Variants in ZC3H13 observed in about 807,000 individuals in gnomAD.
ZC3H13 encodes the protein zinc finger CCCH-type containing 13.
A neutral mutation model predicts 204.1 loss-of-function variants in ZC3H13; 64 were observed. The ratio of observed to expected loss-of-function variants is 0.31; its 90% confidence interval spans 0.26 to 0.39. The LOEUF (loss-of-function observed/expected upper bound fraction) is 0.39, where lower values mean the gene tolerates loss of function less well. ZC3H13 is among the 10% of genes least tolerant of loss of function. The probability of loss-of-function intolerance (pLI) is 1.00; values close to 1 mark genes in which losing one functional copy is unlikely to be tolerated. For missense variants in ZC3H13, 1,833 were observed against 2,082.7 expected (o/e 0.88, Z 2.33); for synonymous variants, 667 against 693.7 (o/e 0.96, Z 0.60).
rs1328382213 is a variant in ZC3H13, at chr13:46,052,635, T to C, written c.-241A>G. The stretch of plus-strand genomic sequence containing the variant: ...CCGCCTCTCCAGGGTCAAGCGAAAC[T>C]GGGTCGCAGGAAGAAAAATAACGAA... On this transcript the variant is annotated 5_prime_UTR_variant, in exon 1 of 19. Coordinates refer to ENST00000679008, the MANE Select transcript of ZC3H13 (RefSeq NM_001330564.2). The C allele has an allele frequency of 2.5e-6, 1 of 398,600 alleles. No homozygotes were observed. The highest frequency in any genetic ancestry group is 4.4e-6 in the Non-Finnish European group (1 of 226,126). 24.7% of individuals were successfully genotyped at this position (398,600 alleles called of 1,614,324 possible).
At chr13:46,018,192 C>T (rs57192057) in intron 5 of ZC3H13, among the ~76,000 whole-genome samples, 1 of 151,424 alleles carries the variant, frequency 6.6e-6, no homozygotes, top group Admixed American at 6.6e-5. Context: ...ATGCTGCAGA[C>T]GGCCATTTAG....
At chr13:46,045,124 G>A in intron 2 of ZC3H13, 60 bp from the exon 3 acceptor site, 1 of 1,439,500 alleles carries the variant, frequency 6.9e-7, no homozygotes, top group East Asian at 2.3e-5. Context: ...AAAAATGCTA[G>A]CGGGACAAAA....
At chr13:45,958,831 T>A (rs1237014355) in intron 18 of ZC3H13, among the ~76,000 whole-genome samples, 4 of 152,010 alleles carry the variant, frequency 2.6e-5, no homozygotes, top group Non-Finnish European at 4.4e-5. Context: ...ATTTTTTGTA[T>A]TTTTAGTAGA....
rs975388110 is a variant in ZC3H13, at chr13:45,964,122, C to G, written c.4475-80G>C. On this transcript the variant is annotated intron_variant, in intron 16 of 18. Coordinates refer to ENST00000679008, the MANE Select transcript of ZC3H13 (RefSeq NM_001330564.2). ...TATCTACATAGACATTTACATAAAT[C>G]AAGGAGAAAACAGAAAAAATGAAAA... is the stretch of plus-strand genomic sequence containing the variant. 8.2e-6 allele frequency: 11 copies of G among 1,346,514 alleles called. No homozygotes were observed. In the African/African-American group the frequency reaches 1.3e-4, roughly 16 times the overall value. The allele number at this position is 1,346,514 out of a possible 1,614,324, so 83.4% of individuals were successfully genotyped here.
chr13:46,026,911 A>G (rs1294571594), intron 4 of ZC3H13, among the ~76,000 whole-genome samples: 1 of 152,182 alleles, frequency 6.6e-6, no homozygotes, highest in Non-Finnish European at 1.5e-5. Context: ...GAATTTAAAG[A>G]CCCAGAAATA....
At chr13:46,051,243 G>T (rs947788971) in intron 1 of ZC3H13, among the ~76,000 whole-genome samples, 1 of 152,084 alleles carries the variant, frequency 6.6e-6, no homozygotes, top group Non-Finnish European at 1.5e-5. Flanking sequence ...CTCAAAATAT[G>T]CAATGTTCAT....
At position 45,985,534 on chromosome 13, in the gene ZC3H13, G is replaced by A; in HGVS notation, c.1483C>T (p.Pro495Ser). The change falls in exon 10 of 19, where the codon CCC (proline) becomes TCC (serine). Residue 495 changes from proline (P) to serine (S), a missense_variant. Around this residue, in one of 5 missense-constraint regions of ZC3H13, gnomAD observed 1,574 missense variants for 1,757.2 expected, o/e 0.90. Transcript: ENST00000679008. ...TCACGAGTGGACCGAGAATCTCTGG[G>A]ATCACGGCTCTCTTTGGTATCTCTG... ...YSRDTKESRD[P>S]RDSRSTRDAH... 1 of 1,614,166 alleles carries A rather than the reference G, an allele frequency of 6.2e-7. No individual in the cohort carries two copies. The highest frequency in any genetic ancestry group is 8.5e-7 in the Non-Finnish European group (1 of 1,180,042).
chr13:46,015,644 CAAG>C (rs1236980766), intron 5 of ZC3H13, among the ~76,000 whole-genome samples: 1 of 151,980 alleles, frequency 6.6e-6, no homozygotes, highest in African/African-American at 2.4e-5. Context: ...TGAACAAATA[CAAG>C]AAGTTTAAGG....
chr13:45,969,704 T>C lies in ZC3H13; in HGVS notation c.2840A>G (p.Glu947Gly). The C allele has an allele frequency of 6.2e-7, 1 of 1,613,828 alleles. No individual in the cohort carries two copies. Among genetic ancestry groups the C allele is most frequent in the Non-Finnish European group, 8.5e-7 (1 of 1,180,014 alleles). Reference protein sequence around the residue: ...IIGHHQSEDRETSDRAHDENK... With the variant: ...IIGHHQSEDRGTSDRAHDENK... ...TTCATCATGAGCTCGATCAGATGTCTCTCGATCTTCAGACTGGTGGTGTCC... is the reference window on the plus strand; with the variant it reads ...TTCATCATGAGCTCGATCAGATGTCCCTCGATCTTCAGACTGGTGGTGTCC... The change falls in exon 14 of 19, where the codon GAG becomes GGG. Residue 947 changes from glutamate to glycine, a missense_variant. This residue lies in a region of ZC3H13 where 1,574 missense variants were observed against 1,757.2 expected (regional missense o/e 0.90). Coordinates refer to ENST00000679008, the MANE Select transcript of ZC3H13 (RefSeq NM_001330564.2).
chr13:46,002,928 A>C (rs535899295), intron 8 of ZC3H13, among the ~76,000 whole-genome samples: 18 of 152,230 alleles, frequency 1.2e-4, no homozygotes, highest in Middle Eastern at 3.4e-3. Flanking sequence ...TACCACAATA[A>C]AAAATTGAAA....
chr13:46,035,755 G>C (rs142871885), intron 4 of ZC3H13, among the ~76,000 whole-genome samples: 267 of 152,024 alleles, frequency 1.8e-3, no homozygotes, highest in African/African-American at 6.2e-3. Context: ...TCTTCATTTG[G>C]TTCTCACCAT....
intron 16 of ZC3H13, 44 bp downstream of exon 16, chr13:45,965,236 A>G (rs1184204645): frequency 1.2e-6 from 2 of 1,601,180 alleles, no homozygotes; most frequent in Non-Finnish European, 1.7e-6. Flanking sequence ...TTAATATCAT[A>G]TAACAGATAA....
chr13:46,002,908 T>TA (rs1555287057), intron 8 of ZC3H13, among the ~76,000 whole-genome samples: 1 of 64,450 alleles, frequency 1.6e-5, no homozygotes, highest in Non-Finnish European at 2.8e-5. Context: ...GATGGTACAT[T>TA]TTGTTTTTTT....
chr13:45,993,366 A>C (rs957675113), intron 8 of ZC3H13, among the ~76,000 whole-genome samples: 64 of 152,312 alleles, frequency 4.2e-4, no homozygotes, highest in African/African-American at 1.5e-3. Context: ...CTTGGTAAGG[A>C]AAGGACCCTT....
chr13:46,017,491 C>T (rs1022112133), intron 5 of ZC3H13, among the ~76,000 whole-genome samples: 12 of 87,504 alleles, frequency 1.4e-4, no homozygotes, highest in African/African-American at 6.0e-4. Flanking sequence ...CACCTCCTCA[C>T]AATTATTATT....
At chr13:45,957,408 T>C in intron 18 of ZC3H13, 111 bp from the exon 19 acceptor site, 1 of 1,035,800 alleles carries the variant, frequency 9.7e-7, no homozygotes, top group Admixed American at 4.0e-5. Flanking sequence ...TATTTCATTT[T>C]GGATATTAAA....
intron 8 of ZC3H13, among the ~76,000 whole-genome samples, chr13:45,995,018 A>AT (rs1288845674): frequency 1.4e-5 from 1 of 71,618 alleles, no homozygotes; most frequent in Non-Finnish European, 2.7e-5. Context: ...CAGTGAAAAA[A>AT]AAAAAAAAAA....
At chr13:46,020,690 A>C in intron 4 of ZC3H13, 133 bp from the exon 5 acceptor site, 3 of 613,976 alleles carry the variant, frequency 4.9e-6, no homozygotes, top group Non-Finnish European at 8.1e-6. Flanking sequence ...ATAGTCACTT[A>C]TCCACTAAGT....
chr13:46,003,258 A>C lies in ZC3H13; in HGVS notation c.825T>G (p.Ala275=), dbSNP rs893175000. ...SPPPPIPEDI[A]LGKKYKEKYK... ...ATTTTTCTTTGTATTTTTTCCCCAGAGCGATATCTTCTGGTATAGGAGGGG... is the reference window on the plus strand; with the variant it reads ...ATTTTTCTTTGTATTTTTTCCCCAGCGCGATATCTTCTGGTATAGGAGGGG... Residue 275 remains alanine (A), a synonymous_variant, in exon 8 of 19, where the codon GCT becomes GCG. Transcript: ENST00000679008. 2 of 1,612,682 alleles carry C rather than the reference A, an allele frequency of 1.2e-6. No homozygotes were observed. The highest frequency in any genetic ancestry group is 1.7e-6 in the Non-Finnish European group (2 of 1,179,720).
Sources: allele counts gnomAD v4.1 joint callset (sites outside exome capture counted in the v4.1 genomes callset), GRCh38; gene constraint gnomAD v4.1.1; regional missense constraint gnomAD v4.1.1; transcripts MANE v1.5; gene names NCBI Gene and HGNC (gene_info 2026-07-23, HGNC 2026-07-21).